The following CLSTN2 variants were observed in gnomAD, a reference collection of about 807,000 sequenced individuals.
The protein encoded by CLSTN2 is calsyntenin 2.
Under a neutral mutation model 101.2 loss-of-function variants are expected in CLSTN2, and 48 were observed. The ratio of observed to expected loss-of-function variants is 0.47; its 90% CI spans 0.38 to 0.60. The LOEUF (loss-of-function observed/expected upper bound fraction) is 0.60, where lower values mean the gene tolerates loss of function less well. Among genes scored for constraint, CLSTN2 ranks in the 20% least tolerant of loss-of-function variants. CLSTN2 has a pLI of 0.00. For missense variants in CLSTN2, 1,160 were observed against 1,238.2 expected, an observed-to-expected ratio of 0.94 and a Z score of 0.95; for synonymous variants, 481 against 463.6, an observed-to-expected ratio of 1.04 and a Z score of -0.48.
At chr3:140,182,317 AC>A (rs1191093810) in intron 2 of CLSTN2, among the ~76,000 whole-genome samples, 2 of 147,322 alleles carry the variant, frequency 1.4e-5, no homozygotes, top group African/African-American at 4.9e-5. Flanking sequence ...AAAAAAGTAA[AC>A]TAATATTTAG....
intron 2 of CLSTN2, among the ~76,000 whole-genome samples, chr3:140,244,467 T>A (rs72990132): frequency 0.016 from 2,461 of 152,158 alleles, 58 homozygotes; most frequent in African/African-American, 0.055. Flanking sequence ...GTGGGAAGGG[T>A]CCCTGTCTTA....
intron 1 of CLSTN2, among the ~76,000 whole-genome samples, chr3:140,099,925 G>A (rs750278399): frequency 1.4e-4 from 22 of 152,206 alleles, no homozygotes; most frequent in African/African-American, 4.6e-4. Flanking sequence ...AGCAGCACAT[G>A]CCCTCATGAC....
chr3:140,565,719 A>T (rs1441619654), intron 16 of CLSTN2, among the ~76,000 whole-genome samples: 1 of 152,252 alleles, frequency 6.6e-6, no homozygotes. Context: ...AATAAGCTCC[A>T]GAAATGCCTG....
intron 8 of CLSTN2, among the ~76,000 whole-genome samples, chr3:140,530,588 A>G (rs1935236468): frequency 6.6e-6 from 1 of 152,256 alleles, no homozygotes; most frequent in Non-Finnish European, 1.5e-5. Flanking sequence ...AGTGTTGTAA[A>G]TGAAATAATG....
At chr3:140,336,480 T>C (rs2087440637) in intron 2 of CLSTN2, among the ~76,000 whole-genome samples, 1 of 152,180 alleles carries the variant, frequency 6.6e-6, no homozygotes, top group Non-Finnish European at 1.5e-5. Flanking sequence ...GAGTTTCTCA[T>C]TCCTGGTTTT....
chr3:140,559,378 T>C (rs910921884), intron 12 of CLSTN2, among the ~76,000 whole-genome samples: 3 of 152,118 alleles, frequency 2.0e-5, no homozygotes, highest in Non-Finnish European at 4.4e-5. Context: ...TCTTTATATA[T>C]ATAAAAGTTA....
At chr3:140,549,663 CAGATT>C (rs1236331114) in intron 10 of CLSTN2, among the ~76,000 whole-genome samples, 2 of 149,204 alleles carry the variant, frequency 1.3e-5, no homozygotes, top group East Asian at 4.0e-4. Flanking sequence ...ATCAGCAACT[CAGATT>C]AGAAGACATT....
chr3:140,084,356 G>T (rs976068609), intron 1 of CLSTN2, among the ~76,000 whole-genome samples: 1 of 152,198 alleles, frequency 6.6e-6, no homozygotes, highest in African/African-American at 2.4e-5. Context: ...GTACTGGGCA[G>T]GGAATAGGAA....
At chr3:140,133,246 A>G (rs1197815920) in intron 1 of CLSTN2, among the ~76,000 whole-genome samples, 1 of 152,152 alleles carries the variant, frequency 6.6e-6, no homozygotes, top group Non-Finnish European at 1.5e-5. Flanking sequence ...ACTCATTACC[A>G]TGTAGAGGGG....
At chr3:140,548,429 C>A (rs958552869) in intron 10 of CLSTN2, among the ~76,000 whole-genome samples, 10 of 152,158 alleles carry the variant, frequency 6.6e-5, no homozygotes, top group Admixed American at 2.6e-4. Context: ...TGCGTAAGAT[C>A]CCAGAGTTAG....
intron 1 of CLSTN2, among the ~76,000 whole-genome samples, chr3:140,108,565 TA>T (rs1411904085): frequency 6.6e-6 from 1 of 152,194 alleles, no homozygotes; most frequent in East Asian, 1.9e-4. Context: ...TTGTGTTTTT[TA>T]TTAAAAAGAA....
chr3:140,203,223 A>T (rs1486724692), intron 2 of CLSTN2, among the ~76,000 whole-genome samples: 1 of 152,234 alleles, frequency 6.6e-6, no homozygotes, highest in Non-Finnish European at 1.5e-5. Flanking sequence ...AAGTAAGATT[A>T]GGACTGAGAA....
At chr3:140,220,429 C>T (rs925525886) in intron 2 of CLSTN2, among the ~76,000 whole-genome samples, 1 of 152,332 alleles carries the variant, frequency 6.6e-6, no homozygotes, top group Non-Finnish European at 1.5e-5. Flanking sequence ...CGTCTTCCTT[C>T]TTGAGCCCCA....
chr3:140,447,773 C>T (rs895827586), intron 5 of CLSTN2, among the ~76,000 whole-genome samples: 4 of 152,038 alleles, frequency 2.6e-5, no homozygotes, highest in Admixed American at 6.6e-5. Flanking sequence ...GGGTGAGGGG[C>T]ACAACACTCA....
intron 2 of CLSTN2, among the ~76,000 whole-genome samples, chr3:140,227,553 G>C (rs1012702894): frequency 4.6e-5 from 7 of 152,198 alleles, no homozygotes; most frequent in Admixed American, 4.6e-4. Context: ...GAGGATAGTG[G>C]CCGTCTTCTC....
chr3:139,939,902 T>C (rs945801949), intron 1 of CLSTN2, among the ~76,000 whole-genome samples: 7 of 152,242 alleles, frequency 4.6e-5, no homozygotes. Context: ...ACGCCTGTGG[T>C]TCTTGGACCG....
intron 9 of CLSTN2, among the ~76,000 whole-genome samples, chr3:140,542,456 G>A (rs762142498): frequency 5.3e-5 from 8 of 151,902 alleles, no homozygotes; most frequent in Non-Finnish European, 7.4e-5. Flanking sequence ...TGATTCATAA[G>A]CATGTTTATG....
chr3:140,261,474 G>A (rs2086653868), intron 2 of CLSTN2, among the ~76,000 whole-genome samples: 1 of 152,042 alleles, frequency 6.6e-6, no homozygotes, highest in South Asian at 2.1e-4. Flanking sequence ...GGCACCGCAA[G>A]ATACTCCAGG....
chr3:140,271,280 G>A (rs938550548), intron 2 of CLSTN2, among the ~76,000 whole-genome samples: 1 of 152,158 alleles, frequency 6.6e-6, no homozygotes, highest in African/African-American at 2.4e-5. Context: ...GAAAGGGCAA[G>A]TGGCAGATTA....
Sources: gnomAD v4.1 joint callset for allele counts (sites outside exome capture counted in the v4.1 genomes callset) on GRCh38, gnomAD v4.1.1 for gene constraint, MANE v1.5 for transcripts, NCBI Gene and HGNC (gene_info 2026-07-23, HGNC 2026-07-21) for gene names.